The following SLC36A1 variants were observed in gnomAD, a reference collection of about 807,000 sequenced individuals.
SLC36A1 encodes the protein solute carrier family 36 member 1, also known as proton-coupled amino acid transporter 1.
Under a neutral mutation model 47.5 loss-of-function variants are expected in SLC36A1, and 30 were observed. That is an observed-to-expected ratio of 0.63 (90% CI 0.47 to 0.86). The LOEUF (loss-of-function observed/expected upper bound fraction) is 0.86, where lower values mean the gene tolerates loss of function less well. Among genes scored for constraint, SLC36A1 ranks in the 40% least tolerant of loss-of-function variants. SLC36A1 has a pLI of 0.00. For missense variants in SLC36A1, 517 were observed against 606.0 expected, an observed-to-expected ratio of 0.85 and a Z score of 1.54; for synonymous variants, 255 against 249.7, an observed-to-expected ratio of 1.02 and a Z score of -0.20.
chr5:151,534,985 ATATATATATATG>A, the SLC36A1 span, among the ~76,000 whole-genome samples: 1 of 141,302 alleles, frequency 7.1e-6, no homozygotes, highest in Admixed American at 6.9e-5. Context: ...ATATATATAT[ATATATATATATG>A]TATACATTTT....
chr5:151,536,547 G>A, the SLC36A1 span, among the ~76,000 whole-genome samples: 1 of 152,062 alleles, frequency 6.6e-6, no homozygotes, highest in Non-Finnish European at 1.5e-5. Flanking sequence ...TCCTAGGTGG[G>A]CTGCTCTTCC....
At chr5:151,374,358 C>T in the SLC36A1 span, among the ~76,000 whole-genome samples, 1 of 152,218 alleles carries the variant, frequency 6.6e-6, no homozygotes, top group Non-Finnish European at 1.5e-5. Flanking sequence ...TGCTCCACAC[C>T]ACCTCGTGTT....
the SLC36A1 span, among the ~76,000 whole-genome samples, chr5:151,520,027 G>C: frequency 6.6e-6 from 1 of 152,196 alleles, no homozygotes; most frequent in Non-Finnish European, 1.5e-5. Context: ...AGCCTTCTTG[G>C]CTTTCCCTGA....
chr5:151,545,317 C>T, the SLC36A1 span: 167 of 1,614,040 alleles, frequency 1.0e-4, no homozygotes, highest in African/African-American at 4.3e-4. Context: ...GGTGAGCTTC[C>T]GAGAGAGTCC....
the SLC36A1 span, among the ~76,000 whole-genome samples, chr5:151,537,220 A>AGAG: frequency 0.33 from 49,941 of 150,894 alleles, 10,217 homozygotes; most frequent in East Asian, 0.58. Context: ...AGGAAGAAGA[A>AGAG]GAGGAGGAGG....
At chr5:151,362,515 C>T in the SLC36A1 span, among the ~76,000 whole-genome samples, 3 of 151,802 alleles carry the variant, frequency 2.0e-5, no homozygotes, top group Non-Finnish European at 2.9e-5. Context: ...CTCAGCCTCC[C>T]GAATAGCTGG....
At chr5:151,467,373 A>G in intron 6 of SLC36A1, 90 bp downstream of exon 6, 9 of 939,450 alleles carry the variant, frequency 9.6e-6, no homozygotes, top group Non-Finnish European at 1.5e-5. Context: ...GATTTTTTCC[A>G]AATCAGCTTT....
At chr5:151,458,341 T>TTA (rs1276185493) in intron 1 of SLC36A1, among the ~76,000 whole-genome samples, 57 of 108,490 alleles carry the variant, frequency 5.3e-4, no homozygotes, top group Middle Eastern at 4.4e-3. Context: ...TATGGGATAT[T>TTA]TATATATATA....
chr5:151,551,981 G>GTT, the SLC36A1 span, among the ~76,000 whole-genome samples: 3 of 149,770 alleles, frequency 2.0e-5, no homozygotes, highest in Non-Finnish European at 3.0e-5. Flanking sequence ...CTAAGGGTGT[G>GTT]TGTGTGTGTG....
At chr5:151,394,049 G>A in the SLC36A1 span, among the ~76,000 whole-genome samples, 1 of 152,174 alleles carries the variant, frequency 6.6e-6, no homozygotes, top group South Asian at 2.1e-4. Context: ...CCAATCAGAC[G>A]TAGATTTGGT....
chr5:151,421,212 C>CCTTCCTTCCTTCCTTCCTTCTTTT, the SLC36A1 span, among the ~76,000 whole-genome samples: 1 of 146,526 alleles, frequency 6.8e-6, no homozygotes, highest in East Asian at 2.1e-4. Flanking sequence ...TTCCTTCCTT[C>CCTTCCTTCCTTCCTTCCTTCTTTT]CTTCCTCCCT....
At chr5:151,374,909 GT>G in the SLC36A1 span, among the ~76,000 whole-genome samples, 67,724 of 142,424 alleles carry the variant, frequency 0.48, 16,733 homozygotes, top group African/African-American at 0.68. Context: ...TAATGTTGGG[GT>G]TTTTTTTTTT....
downstream of SLC36A1, among the ~76,000 whole-genome samples, chr5:151,495,012 A>G (rs965406162): frequency 6.6e-6 from 1 of 152,226 alleles, no homozygotes; most frequent in Admixed American, 6.5e-5. Context: ...TTGAGTAAAT[A>G]CCTAGAGGTG....
chr5:151,481,828 A>T (rs165360), intron 10 of SLC36A1, among the ~76,000 whole-genome samples: 4 of 152,120 alleles, frequency 2.6e-5, no homozygotes, highest in Non-Finnish European at 4.4e-5. Context: ...ATCTACTTCC[A>T]GCCCATATTT....
the SLC36A1 span, among the ~76,000 whole-genome samples, chr5:151,389,811 A>T: frequency 6.6e-5 from 10 of 151,832 alleles, no homozygotes; most frequent in African/African-American, 2.4e-4. Context: ...TCTATCACTG[A>T]TGGACATTTG....
the SLC36A1 span, chr5:151,505,609 T>C: frequency 1.9e-6 from 3 of 1,614,014 alleles, no homozygotes; most frequent in African/African-American, 2.7e-5. Flanking sequence ...CTCTCCACCA[T>C]GTCAGAGCCC....
At chr5:151,531,555 A>T in the SLC36A1 span, 1 of 1,610,552 alleles carries the variant, frequency 6.2e-7, no homozygotes, top group African/African-American at 1.3e-5. This position sits in a 1 kb window ranked among gnomAD's most constrained non-coding sequence, Gnocchi z 5.7. Context: ...CCTGTACGCG[A>T]TGCTTTGGGG....
chr5:151,348,217 A>T, the SLC36A1 span, among the ~76,000 whole-genome samples: 1 of 152,020 alleles, frequency 6.6e-6, no homozygotes, highest in Non-Finnish European at 1.5e-5. Flanking sequence ...AGATTGTATG[A>T]CTCCCAGCCA....
chr5:151,394,855 C>T, the SLC36A1 span, among the ~76,000 whole-genome samples: 5 of 152,216 alleles, frequency 3.3e-5, no homozygotes. Context: ...GGTCAGGGAC[C>T]CGCTTGAGGA....
Sources: gnomAD v4.1 joint callset for allele counts (sites outside exome capture counted in the v4.1 genomes callset) on GRCh38, gnomAD v4.1.1 for gene constraint, Gnocchi (gnomAD v3.1) non-coding constraint, MANE v1.5 for transcripts, NCBI Gene and HGNC (gene_info 2026-07-23, HGNC 2026-07-21) for gene names.